Variants in GPRIN3 observed in about 807,000 individuals in gnomAD.
GPRIN3 encodes the protein GPRIN family member 3.
In GPRIN3, 12 loss-of-function variants were observed where a neutral mutation model predicts 13.7. The ratio of observed to expected loss-of-function variants is 0.87; its 90% CI spans 0.56 to 1.42. The LOEUF is 1.42. GPRIN3 is among the 40% of genes most tolerant of loss of function. GPRIN3 has a pLI of 0.00. For missense variants in GPRIN3, 1,009 were observed against 958.7 expected (o/e 1.05, Z -0.69); for synonymous variants, 377 against 372.7 (o/e 1.01, Z -0.13).
chr4:89,260,511 A>G (rs1723595116), intron 1 of GPRIN3, among the ~76,000 whole-genome samples: 1 of 152,224 alleles, frequency 6.6e-6, no homozygotes, highest in South Asian at 2.1e-4. Context: ...GAGTACATAA[A>G]GGTTTTGCTT....
chr4:89,259,464 T>C (rs1723566993), intron 1 of GPRIN3, among the ~76,000 whole-genome samples: 1 of 152,194 alleles, frequency 6.6e-6, no homozygotes, highest in Non-Finnish European at 1.5e-5. Flanking sequence ...AATCTCAGGG[T>C]TAAACAACAC....
At position 89,238,145 on chromosome 4, in the gene GPRIN3, G is replaced by T. The variant is rs1233552615; in HGVS notation, c.*9635C>A. On this transcript the variant is annotated 3_prime_UTR_variant, in exon 2 of 2. Coordinates refer to ENST00000609438, the MANE Select transcript of GPRIN3 (RefSeq NM_198281.3). ...ACACACACACACACAGCAGCTGGAG[G>T]GAGAGTATGGCTCTTGGAAATTTTG... is the stretch of plus-strand genomic sequence containing the variant. 3 of 151,670 alleles carry T rather than the reference G, an allele frequency of 2.0e-5. No homozygotes were observed. Among genetic ancestry groups the T allele is most frequent in the Non-Finnish European group, 4.4e-5 (3 of 67,924 alleles). 9.4% of individuals were successfully genotyped at this position (151,670 alleles called of 1,614,324 possible).
chr4:89,303,959 T>A (rs1578121384), intron 1 of GPRIN3, among the ~76,000 whole-genome samples: 1 of 152,206 alleles, frequency 6.6e-6, no homozygotes, highest in African/African-American at 2.4e-5. Context: ...TTGATATTTA[T>A]TTCTTCTTTT....
chr4:89,284,787 T>C (rs752728392), intron 1 of GPRIN3, among the ~76,000 whole-genome samples: 3 of 152,298 alleles, frequency 2.0e-5, no homozygotes, highest in South Asian at 4.1e-4. Flanking sequence ...GCTGCCTTAA[T>C]TATTCTTGGA....
intron 1 of GPRIN3, among the ~76,000 whole-genome samples, chr4:89,293,934 C>G (rs1024981251): frequency 6.6e-6 from 1 of 152,090 alleles, no homozygotes; most frequent in African/African-American, 2.4e-5. Flanking sequence ...TAGTGCATGC[C>G]TTTCTTTTTT....
chr4:89,290,998 A>G (rs1724556019), intron 1 of GPRIN3, among the ~76,000 whole-genome samples: 1 of 152,152 alleles, frequency 6.6e-6, no homozygotes. Context: ...ATCCATTTAA[A>G]GAGACGTTTG....
intron 1 of GPRIN3, among the ~76,000 whole-genome samples, chr4:89,252,992 T>C (rs1723369633): frequency 6.8e-6 from 1 of 147,590 alleles, no homozygotes; most frequent in South Asian, 2.2e-4. Context: ...CTTCAAGTTA[T>C]GAAGTCTCTC....
At chr4:89,306,058 GT>G (rs546254479) in intron 1 of GPRIN3, among the ~76,000 whole-genome samples, 153 of 149,200 alleles carry the variant, frequency 1.0e-3, no homozygotes, top group Admixed American at 2.3e-3. Flanking sequence ...TGCAATTGCT[GT>G]TTTTTTTTTC....
intron 1 of GPRIN3, among the ~76,000 whole-genome samples, chr4:89,303,888 A>T (rs1285604194): frequency 7.7e-6 from 1 of 130,270 alleles, no homozygotes; most frequent in East Asian, 2.4e-4. Flanking sequence ...TTATTTTTTT[A>T]AAAAGTAACT....
In GPRIN3 at chr4:89,248,156, G is replaced by C. The variant is rs369361056; in HGVS notation, c.1955C>G (p.Ala652Gly). 7 of 1,614,028 alleles carry C rather than the reference G, an allele frequency of 4.3e-6. No homozygotes were observed. The African/African-American group carries it at 9.3e-5, about 22-fold the overall frequency. ...TGGAGTGAGTCCTACCTGAGCAGCAGCTGCTGTCACATTTAACTTTTGCTC... is the reference window on the plus strand; with the variant it reads ...TGGAGTGAGTCCTACCTGAGCAGCACCTGCTGTCACATTTAACTTTTGCTC... ...LKEQKLNVTA[A>G]AAQVGLTPGD... is the part of the protein sequence containing the mutation. The change falls in exon 2 of 2, where the codon GCT (alanine) becomes GGT (glycine). Residue 652 changes from alanine to glycine, a missense_variant. Coordinates refer to ENST00000609438, the MANE Select transcript of GPRIN3 (RefSeq NM_198281.3).
Position 89,248,662 on chromosome 4 carries a change from A to G in GPRIN3, c.1449T>C (p.Tyr483=). 1.9e-6 allele frequency: 3 copies of G among 1,614,132 alleles called. No homozygotes were observed. Among genetic ancestry groups the G allele is most frequent in the Non-Finnish European group, 1.7e-6 (2 of 1,180,014 alleles). The change falls in exon 2 of 2, where the codon TAT becomes TAC. Residue 483 remains tyrosine (Y), a synonymous_variant. Coordinates refer to ENST00000609438, the MANE Select transcript of GPRIN3 (RefSeq NM_198281.3). ...ISACSQAETS[Y]GLGKFETRPS... is the part of the protein sequence containing the mutation. ...GCCTGGTTTCAAATTTCCCCAATCC[A>G]TAACTTGTTTCAGCTTGACTGCATG...
chr4:89,286,091 G>GTGTGTATATA (rs1039903535), intron 1 of GPRIN3, among the ~76,000 whole-genome samples: 18 of 146,726 alleles, frequency 1.2e-4, no homozygotes, highest in Admixed American at 4.8e-4. Flanking sequence ...ATGTGTGTGT[G>GTGTGTATATA]TATATATATA....
At chr4:89,269,419 G>A (rs753278040) in intron 1 of GPRIN3, among the ~76,000 whole-genome samples, 2 of 151,984 alleles carry the variant, frequency 1.3e-5, no homozygotes, top group Non-Finnish European at 2.9e-5. Context: ...GTGTTACAAC[G>A]TCCACACCGC....
chr4:89,252,018 G>C (rs900922782), intron 1 of GPRIN3, among the ~76,000 whole-genome samples: 1 of 151,784 alleles, frequency 6.6e-6, no homozygotes, highest in African/African-American at 2.4e-5. Context: ...TGTCACCTAG[G>C]CTGGAGTTCA....
chr4:89,237,719 G>C lies in GPRIN3; in HGVS notation c.*10061C>G, dbSNP rs1442153664. The C allele has an allele frequency of 6.6e-6, 1 of 152,162 alleles. No individual in the cohort carries two copies. The highest frequency in any genetic ancestry group is 1.5e-5 in the Non-Finnish European group (1 of 68,038). 9.4% of individuals were successfully genotyped at this position (152,162 alleles called of 1,614,324 possible). A position where few individuals can be genotyped will look rare whatever the true frequency, so the allele number is the denominator to read the frequency against. ...CCAGATAAATTCAGACAGGGTGGTT[G>C]ACCAAAAGTGATCTTATATTGTTTA... On this transcript the variant is annotated 3_prime_UTR_variant, in exon 2 of 2. Transcript: ENST00000609438.
intron 1 of GPRIN3, among the ~76,000 whole-genome samples, chr4:89,268,602 G>T (rs907212528): frequency 6.6e-6 from 1 of 152,182 alleles, no homozygotes; most frequent in Non-Finnish European, 1.5e-5. Flanking sequence ...TTCCTATGAA[G>T]CCACCCCTTC....
In GPRIN3 at chr4:89,248,086, C is replaced by T; in HGVS notation, c.2025G>A (p.Leu675=). The change falls in exon 2 of 2, where the codon CTG becomes CTA. Residue 675 remains leucine (L), a synonymous_variant. Coordinates refer to ENST00000609438, the MANE Select transcript of GPRIN3 (RefSeq NM_198281.3). ...CGTCCCTGACACGCTTGGACTGTTT[C>T]AGCTGGAGCTTGGAGTCTGCGCCAA... is the stretch of plus-strand genomic sequence containing the variant. ...KQLGADSKLQ[L]KQSKRVRDVV... 1.2e-6 allele frequency: 2 copies of T among 1,614,164 alleles called. No homozygotes were observed. Among genetic ancestry groups the T allele is most frequent in the Non-Finnish European group, 1.7e-6 (2 of 1,179,998 alleles).
intron 1 of GPRIN3, among the ~76,000 whole-genome samples, chr4:89,299,708 A>G (rs1266532108): frequency 6.6e-6 from 1 of 152,126 alleles, no homozygotes; most frequent in East Asian, 1.9e-4. Flanking sequence ...ACAGAAACAC[A>G]AGCTGGGATA....
At chr4:89,261,135 C>G (rs1723610259) in intron 1 of GPRIN3, among the ~76,000 whole-genome samples, 2 of 152,084 alleles carry the variant, frequency 1.3e-5, no homozygotes, top group Non-Finnish European at 2.9e-5. Context: ...TCAAGAGGAG[C>G]TAGATGTTAA....
Sources: gnomAD v4.1 joint callset for allele counts (sites outside exome capture counted in the v4.1 genomes callset) on GRCh38, gnomAD v4.1.1 for gene constraint, MANE v1.5 for transcripts, NCBI Gene and HGNC (gene_info 2026-07-23, HGNC 2026-07-21) for gene names.